The following SBF2 variants were observed in gnomAD, a reference collection of about 807,000 sequenced individuals.
SBF2 encodes myotubularin-related protein 13.
In SBF2, 112 loss-of-function variants were observed where a neutral mutation model predicts 225.2. The observed-to-expected ratio is 0.50, with a 90% CI of 0.43 to 0.58. SBF2 has a LOEUF of 0.58. Among genes scored for constraint, SBF2 ranks in the 20% least tolerant of loss-of-function variants. SBF2 has a pLI of 0.00. For synonymous variants in SBF2, 763 were observed against 773.3 expected (o/e 0.99, Z 0.22); for missense variants, 1,996 against 2,206.2 (o/e 0.90, Z 1.91).
At chr11:10,063,881 A>AGAGAGAG (rs1950540910) in intron 2 of SBF2, among the ~76,000 whole-genome samples, 1 of 151,322 alleles carries the variant, frequency 6.6e-6, no homozygotes, top group African/African-American at 2.4e-5. Context: ...AGAGAGAGAG[A>AGAGAGAG]AAACGAAAAG....
rs565217864 is a variant in SBF2 at position 10,002,439 on chromosome 11, A to G, written c.752+118T>C. ...TCAGAACTATGACTCATATAACAGC[A>G]TAACTTTGTAAAATATCCCTATGTG... On this transcript the variant is annotated intron_variant, in intron 7 of 39. Coordinates refer to ENST00000256190, the MANE Select transcript of SBF2 (RefSeq NM_030962.4). 22 of 834,704 alleles carry G rather than the reference A, an allele frequency of 2.6e-5. No individual in the cohort carries two copies. The African/African-American group carries it at 3.3e-4, about 12-fold the overall frequency. 51.7% of individuals were successfully genotyped at this position (834,704 alleles called of 1,614,324 possible). A position where few individuals can be genotyped will look rare whatever the true frequency, so the allele number is the denominator to read the frequency against.
chr11:9,895,029 T>A (rs1861125718), intron 17 of SBF2, among the ~76,000 whole-genome samples: 1 of 152,122 alleles, frequency 6.6e-6, no homozygotes, highest in Admixed American at 6.6e-5. Context: ...CTGTTCAAAT[T>A]ACTGGTGTGG....
chr11:10,137,243 C>T (rs188917585), intron 2 of SBF2, among the ~76,000 whole-genome samples: 2 of 152,278 alleles, frequency 1.3e-5, no homozygotes, highest in Admixed American at 6.5e-5. Flanking sequence ...TTTGTACGAT[C>T]TCATAACCTG....
rs1958894675 is a variant in SBF2, at chr11:10,232,382, C to T, written c.56-38395G>A. Among the ~76,000 whole-genome samples the T allele has an allele frequency of 2.0e-5, 3 of 152,276 alleles. 1 individual carries two copies. The highest frequency in any genetic ancestry group is 7.2e-5 in the African/African-American group (3 of 41,562). The stretch of plus-strand genomic sequence containing the variant: ...CCTCAGTTGGAAATGCATAAATCAC[C>T]CATCTTCTGCGTCGCTCACGCTGGG... On this transcript the variant is annotated intron_variant, in intron 1 of 39. Coordinates refer to ENST00000256190, the MANE Select transcript of SBF2 (RefSeq NM_030962.4).
intron 2 of SBF2, among the ~76,000 whole-genome samples, chr11:10,135,964 C>G (rs1312352755): frequency 6.6e-6 from 1 of 151,930 alleles, no homozygotes; most frequent in African/African-American, 2.4e-5. Context: ...GCTTTATAAG[C>G]AACATAAAGA....
intron 30 of SBF2, chr11:9,811,354 A>C (rs965781247): frequency 2.6e-5 from 4 of 152,264 alleles, no homozygotes; most frequent in Non-Finnish European, 5.9e-5. Flanking sequence ...AGTTAAAAAA[A>C]GAATTTGCTT....
At chr11:10,029,629 C>A in intron 5 of SBF2, 136 bp downstream of exon 5, 4 of 730,086 alleles carry the variant, frequency 5.5e-6, no homozygotes, top group Non-Finnish European at 9.8e-6. Context: ...GGGGACAATG[C>A]TTAACTAAAG....
chr11:10,104,139 C>A (rs547127791), intron 2 of SBF2, among the ~76,000 whole-genome samples: 1 of 151,454 alleles, frequency 6.6e-6, no homozygotes, highest in South Asian at 2.1e-4. Flanking sequence ...GTGAATTTTC[C>A]AATTTTACTT....
At chr11:9,932,564 T>C (rs1238431092) in intron 16 of SBF2, among the ~76,000 whole-genome samples, 1 of 152,130 alleles carries the variant, frequency 6.6e-6, no homozygotes, top group Non-Finnish European at 1.5e-5. Context: ...TAAAATCCTT[T>C]ACAGACAAGC....
At chr11:9,922,218 C>T (rs1863686119) in intron 16 of SBF2, among the ~76,000 whole-genome samples, 1 of 151,894 alleles carries the variant, frequency 6.6e-6, no homozygotes, top group South Asian at 2.1e-4. Flanking sequence ...ACACGGTACT[C>T]CAGCCTGGGA....
At chr11:9,784,496 A>G in intron 37 of SBF2, 58 bp from the exon 38 acceptor site, 1 of 1,290,458 alleles carries the variant, frequency 7.7e-7, no homozygotes, top group Non-Finnish European at 1.1e-6. Context: ...AATGCTGTAA[A>G]GGGGAGGGGA....
chr11:9,812,820 G>A, intron 29 of SBF2, 112 bp from the exon 30 acceptor site: 1 of 1,066,978 alleles, frequency 9.4e-7, no homozygotes, highest in Non-Finnish European at 1.4e-6. Flanking sequence ...AATAGCTGCA[G>A]AGGCTGCCAA....
At chr11:10,082,037 G>C (rs1164529413) in intron 2 of SBF2, among the ~76,000 whole-genome samples, 3 of 151,932 alleles carry the variant, frequency 2.0e-5, no homozygotes. Context: ...AATCAGAAAA[G>C]AAAAAGGAGA....
At chr11:10,276,951 G>T (rs1056009230) in intron 1 of SBF2, among the ~76,000 whole-genome samples, 1 of 152,012 alleles carries the variant, frequency 6.6e-6, no homozygotes, top group Non-Finnish European at 1.5e-5. Context: ...TGTAAAACAG[G>T]CTCGGTACAA....
chr11:9,908,499 C>A (rs907115074), intron 16 of SBF2, among the ~76,000 whole-genome samples: 8 of 152,024 alleles, frequency 5.3e-5, no homozygotes, highest in Admixed American at 4.6e-4. Context: ...TGGTGGCGGG[C>A]GCCTGTAGTC....
intron 38 of SBF2, among the ~76,000 whole-genome samples, chr11:9,782,069 G>C (rs35401279): frequency 0.3 from 45,884 of 151,596 alleles, 7,229 homozygotes; most frequent in Middle Eastern, 0.41. Context: ...GCCCGTAGTT[G>C]CAGCTACCCA....
intron 2 of SBF2, among the ~76,000 whole-genome samples, chr11:10,134,603 T>C (rs534701591): frequency 2.6e-5 from 4 of 152,272 alleles, no homozygotes; most frequent in South Asian, 2.1e-4. Context: ...ATGTGAGAAA[T>C]TGACCAAAAC....
chr11:10,013,885 C>CTCATTCAT (rs145187504), intron 6 of SBF2, among the ~76,000 whole-genome samples: 58 of 152,148 alleles, frequency 3.8e-4, no homozygotes, highest in Admixed American at 1.1e-3. Flanking sequence ...TACTTACTTG[C>CTCATTCAT]TCATTCATTC....
chr11:9,994,558 C>A (rs1947596481), intron 9 of SBF2, among the ~76,000 whole-genome samples: 1 of 126,692 alleles, frequency 7.9e-6, no homozygotes. Flanking sequence ...ACAAAATAAA[C>A]CCTAAATCTA....
Sources: allele counts gnomAD v4.1 joint callset (sites outside exome capture counted in the v4.1 genomes callset), GRCh38; gene constraint gnomAD v4.1.1; transcripts MANE v1.5; gene names NCBI Gene and HGNC (gene_info 2026-07-23, HGNC 2026-07-21).